Variants in ADAMTSL1 observed in about 807,000 individuals in gnomAD.
The protein encoded by ADAMTSL1 is ADAMTS like 1.
In ADAMTSL1, 126 loss-of-function variants were observed where a neutral mutation model predicts 201.8. The observed-to-expected ratio is 0.62, with a 90% confidence interval of 0.54 to 0.72. The LOEUF (loss-of-function observed/expected upper bound fraction) is 0.72, where lower values mean the gene tolerates loss of function less well. ADAMTSL1 is among the 30% of genes least tolerant of loss of function. The pLI is 0.00. For synonymous variants in ADAMTSL1, 1,121 were observed against 903.4 expected, an observed-to-expected ratio of 1.24 and a Z score of -4.32; for missense variants, 2,679 against 2,277.8, an observed-to-expected ratio of 1.18 and a Z score of -3.59.
intron 1 of ADAMTSL1, among the ~76,000 whole-genome samples, chr9:17,960,725 A>C (rs1330706098): frequency 6.6e-6 from 1 of 152,130 alleles, no homozygotes; most frequent in Non-Finnish European, 1.5e-5. Flanking sequence ...TCTTTTTAAC[A>C]TCTCGGTCTT....
intron 1 of ADAMTSL1, among the ~76,000 whole-genome samples, chr9:17,935,245 A>G (rs143243574): frequency 6.6e-6 from 1 of 151,624 alleles, no homozygotes; most frequent in Admixed American, 6.6e-5. Context: ...GGCCTCCAGA[A>G]CCCCACACCC....
chr9:18,589,493 C>G (rs1483173642), intron 4 of ADAMTSL1, among the ~76,000 whole-genome samples: 2 of 152,044 alleles, frequency 1.3e-5, no homozygotes, highest in Non-Finnish European at 2.9e-5. Flanking sequence ...TGGGGTTTTT[C>G]TAACTATAAG....
At chr9:18,489,301 A>T (rs912031508) in intron 1 of ADAMTSL1, among the ~76,000 whole-genome samples, 1 of 152,206 alleles carries the variant, frequency 6.6e-6, no homozygotes, top group Non-Finnish European at 1.5e-5. Context: ...TCCCTAAAAC[A>T]GGGATAATAT....
chr9:18,154,757 G>A (rs1303854902), intron 1 of ADAMTSL1, among the ~76,000 whole-genome samples: 1 of 152,044 alleles, frequency 6.6e-6, no homozygotes, highest in Non-Finnish European at 1.5e-5. Flanking sequence ...TTTGTGTGAA[G>A]TACATCAAGA....
intron 23 of ADAMTSL1, among the ~76,000 whole-genome samples, chr9:18,885,600 C>T (rs4977265): frequency 0.26 from 39,714 of 152,062 alleles, 6,123 homozygotes; most frequent in Non-Finnish European, 0.33. Flanking sequence ...GGCTAGTCAG[C>T]GGATACATGA....
intron 2 of ADAMTSL1, among the ~76,000 whole-genome samples, chr9:18,427,628 A>G (rs1255680045): frequency 6.6e-6 from 1 of 152,136 alleles, no homozygotes; most frequent in African/African-American, 2.4e-5. Context: ...CTTTGCCCAC[A>G]TTTTTCTCTT....
intron 1 of ADAMTSL1, among the ~76,000 whole-genome samples, chr9:18,054,832 C>T (rs1156671990): frequency 6.6e-6 from 1 of 152,174 alleles, no homozygotes; most frequent in Non-Finnish European, 1.5e-5. Flanking sequence ...TAAAAATTGA[C>T]ATTATTTCCC....
intron 1 of ADAMTSL1, among the ~76,000 whole-genome samples, chr9:18,137,332 T>C (rs769185288): frequency 6.6e-6 from 1 of 152,220 alleles, no homozygotes; most frequent in Non-Finnish European, 1.5e-5. Context: ...ATACATATCA[T>C]AGAAAGAAGT....
rs376877908 is a variant in ADAMTSL1, at chr9:18,343,156, T to G, written c.208-161673T>G. On this transcript the variant is annotated intron_variant, in intron 2 of 29. Transcript: ENST00000680146. ...ACCATGGCAACATAGTGAGATCTTG[T>G]CTCTATAGGAAATAAAAGTTTTTCC... Among the ~76,000 whole-genome samples the G allele has an allele frequency of 3.9e-5, 6 of 152,010 alleles. No homozygotes were observed. In the East Asian group the frequency reaches 9.7e-4, roughly 24 times the overall value.
chr9:18,604,659 C>T (rs1336786508), intron 4 of ADAMTSL1, among the ~76,000 whole-genome samples: 1 of 152,132 alleles, frequency 6.6e-6, no homozygotes, highest in Non-Finnish European at 1.5e-5. Context: ...CATTTGGCAT[C>T]TATGGACACT....
chr9:18,681,703 G>C lies in ADAMTSL1; in HGVS notation c.1342-109G>C, dbSNP rs533487198. 2.2e-4 allele frequency: 153 copies of C among 710,284 alleles called. 4 individuals are homozygous for C. The African/African-American group carries it at 2.6e-3, about 12-fold the overall frequency. 44.0% of individuals were successfully genotyped at this position (710,284 alleles called of 1,614,324 possible). A position where few individuals can be genotyped will look rare whatever the true frequency, so the allele number is the denominator to read the frequency against. ...TTTACCAGGAGTCCTCGTGTGGGGGGGGGGGGCGGGGAAAAAGAAAACTTA... is the reference window on the plus strand; with the variant it reads ...TTTACCAGGAGTCCTCGTGTGGGGGCGGGGGGCGGGGAAAAAGAAAACTTA... On this transcript the variant is annotated intron_variant, in intron 11 of 28. Transcript: ENST00000380548.
At chr9:18,307,426 G>A (rs548234478) in intron 2 of ADAMTSL1, among the ~76,000 whole-genome samples, 4 of 152,142 alleles carry the variant, frequency 2.6e-5, no homozygotes, top group East Asian at 1.9e-4. Flanking sequence ...AAGACCCATC[G>A]GTGTGCCGTA....
At chr9:18,354,555 C>G (rs530761759) in intron 2 of ADAMTSL1, among the ~76,000 whole-genome samples, 1 of 152,340 alleles carries the variant, frequency 6.6e-6, no homozygotes, top group Admixed American at 6.5e-5. Context: ...ATCCCTTCCT[C>G]TGTTCACTTT....
chr9:18,268,373 A>T (rs1050247046), intron 2 of ADAMTSL1, among the ~76,000 whole-genome samples: 17 of 152,096 alleles, frequency 1.1e-4, no homozygotes, highest in Admixed American at 9.2e-4. Flanking sequence ...TATTTGGTTT[A>T]TCAGTTTTAA....
chr9:18,047,770 T>C (rs772784308), intron 1 of ADAMTSL1, among the ~76,000 whole-genome samples: 11 of 152,186 alleles, frequency 7.2e-5, no homozygotes, highest in Non-Finnish European at 1.6e-4. Context: ...TGAAGTCTAA[T>C]GCTCAGTTAG....
chr9:18,645,625 G>C (rs1468523482), intron 7 of ADAMTSL1, among the ~76,000 whole-genome samples: 2 of 151,644 alleles, frequency 1.3e-5, no homozygotes, highest in Admixed American at 1.3e-4. Flanking sequence ...AGTTTTCCCA[G>C]CACCATTTAT....
intron 1 of ADAMTSL1, among the ~76,000 whole-genome samples, chr9:18,113,623 A>C (rs1025239336): frequency 2.6e-5 from 4 of 152,100 alleles, no homozygotes; most frequent in Non-Finnish European, 4.4e-5. Context: ...TCTTGACTGG[A>C]ATGTGGATCC....
At chr9:18,315,666 G>T (rs1023389314) in intron 2 of ADAMTSL1, among the ~76,000 whole-genome samples, 1 of 152,130 alleles carries the variant, frequency 6.6e-6, no homozygotes, top group Non-Finnish European at 1.5e-5. Flanking sequence ...ACTCGCGCTG[G>T]CCCACGAGCT....
In ADAMTSL1 at chr9:18,910,819, T is replaced by C. The variant is rs1345249406; in HGVS notation, c.*2271T>C. ...ATGAATGTACATTTAATGTTTGTTC[T>C]GTGAATTGCAACTCAGCAGCACCAC... On this transcript the variant is annotated 3_prime_UTR_variant, in exon 29 of 29. Coordinates refer to ENST00000380548, the MANE Select transcript of ADAMTSL1 (RefSeq NM_001040272.6). 6.6e-6 allele frequency: 1 copy of C among 152,248 alleles called. No individual in the cohort carries two copies. Among genetic ancestry groups the C allele is most frequent in the African/African-American group, 2.4e-5 (1 of 41,468 alleles). The allele number at this position is 152,248 out of a possible 1,614,324, so 9.4% of individuals were successfully genotyped here.
Sources: gnomAD v4.1 joint callset for allele counts (sites outside exome capture counted in the v4.1 genomes callset) on GRCh38, gnomAD v4.1.1 for gene constraint, MANE v1.5 for transcripts, NCBI Gene and HGNC (gene_info 2026-07-23, HGNC 2026-07-21) for gene names.